RAPGEF3: variants seen among roughly 807,000 people sequenced by gnomAD.
RAPGEF3 encodes the protein 9330170P05Rik.
RAPGEF3 carries 103 observed loss-of-function variants against 129.8 expected under a neutral mutation model. The ratio of observed to expected loss-of-function variants is 0.79; its 90% CI spans 0.68 to 0.93. The LOEUF (loss-of-function observed/expected upper bound fraction) is 0.93, where lower values mean the gene tolerates loss of function less well. Among genes scored for constraint, RAPGEF3 ranks in the 40% least tolerant of loss-of-function variants. The pLI is 0.00. For missense variants in RAPGEF3, 1,117 were observed against 1,207.4 expected, an observed-to-expected ratio of 0.93 and a Z score of 1.11; for synonymous variants, 436 against 482.6, an observed-to-expected ratio of 0.90 and a Z score of 1.26.
intron 26 of RAPGEF3, 22 bp downstream of exon 26, chr12:47,738,170 AC>A: frequency 8.0e-7 from 1 of 1,254,200 alleles, no homozygotes; most frequent in East Asian, 2.6e-5. Flanking sequence ...GGGACCTCCC[AC>A]CCCGGGGACC....
intron 15 of RAPGEF3, 92 bp downstream of exon 15, chr12:47,747,452 G>A (rs888330252): frequency 2.2e-6 from 3 of 1,352,784 alleles, no homozygotes; most frequent in Non-Finnish European, 3.1e-6. Context: ...GCCTGGATCT[G>A]AAGCCAAGTG....
rs930208959 is a variant in RAPGEF3, at chr12:47,744,259, A to G, written c.1597-191T>C. 13 of 601,740 alleles carry G rather than the reference A, an allele frequency of 2.2e-5. No homozygotes were observed. The Admixed American group carries it at 2.7e-4, about 12-fold the overall frequency. The allele number at this position is 601,740 out of a possible 1,614,324, so 37.3% of individuals were successfully genotyped here. A position where few individuals can be genotyped will look rare whatever the true frequency, so the allele number is the denominator to read the frequency against. On this transcript the variant is annotated intron_variant, in intron 16 of 27. Transcript: ENST00000449771. ...TGGGACCAAGGATCCAGGAGAAGAC[A>G]CAACATGTCTAAGGGCGGGGCAAAT...
In RAPGEF3 at chr12:47,748,461, G is replaced by T. The variant is rs1390682535; in HGVS notation, c.1236C>A (p.Asp412Glu). ...EAMGPDSSAH[D>E]PTETFLSDFL... is the part of the protein sequence containing the mutation. ...GGTGTCTCTTGCCCTTACCTGTTGG[G>T]TCATGAGCACTGGAATCTGGTCCCA... is the stretch of plus-strand genomic sequence containing the variant. Residue 412 changes from aspartate to glutamate, a missense_variant, in exon 12 of 28, where the codon GAC (aspartate) becomes GAA (glutamate). By Grantham distance (45) the Asp-to-Glu change is conservative. Transcript: ENST00000449771. 1.2e-6 allele frequency: 2 copies of T among 1,613,268 alleles called. No homozygotes were observed. Among genetic ancestry groups the T allele is most frequent in the Admixed American group, 1.7e-5 (1 of 60,000 alleles).
At chr12:47,743,885 G>T in intron 17 of RAPGEF3, 102 bp downstream of exon 17, 1 of 1,402,806 alleles carries the variant, frequency 7.1e-7, no homozygotes, top group Non-Finnish European at 1.0e-6. Flanking sequence ...TGCCACCTTG[G>T]CCCAGGCACA....
At position 47,751,391 on chromosome 12, in the gene RAPGEF3, G is replaced by GGGCTCA; in HGVS notation, c.502+2_502+7dup. 1.2e-6 allele frequency: 2 copies of GGGCTCA among 1,613,704 alleles called. No homozygotes were observed. The highest frequency in any genetic ancestry group is 1.7e-6 in the Non-Finnish European group (2 of 1,179,932). On this transcript the variant is annotated splice_region_variant and intron_variant, in intron 5 of 27. Coordinates refer to ENST00000449771, the MANE Select transcript of RAPGEF3 (RefSeq NM_001098531.4). ...GCCCGGGGCACCCCACCCTGGGCTC[G>GGGCTCA]GGCTCACCATGGCAGAGGGCACCTT...
intron 11 of RAPGEF3, 22 bp downstream of exon 11, chr12:47,748,797 G>C (rs374507923): frequency 2.0e-6 from 3 of 1,497,966 alleles, no homozygotes; most frequent in Non-Finnish European, 2.8e-6. Flanking sequence ...AGTGTGGAGA[G>C]GGAGCATGGC....
intron 26 of RAPGEF3, 21 bp from the exon 27 acceptor site, chr12:47,738,114 C>T (rs1461641064): frequency 7.4e-6 from 12 of 1,613,902 alleles, no homozygotes; most frequent in Non-Finnish European, 1.0e-5. Context: ...GGGGAGGGGT[C>T]ATGGAGTCAG....
intron 2 of RAPGEF3, among the ~76,000 whole-genome samples, chr12:47,754,816 A>G (rs1181734807): frequency 6.6e-6 from 1 of 152,158 alleles, no homozygotes; most frequent in Non-Finnish European, 1.5e-5. Context: ...AGTCAAGGTG[A>G]AGGTCCTCCT....
chr12:47,758,829 C>CGTCT lies in RAPGEF3; in HGVS notation c.-277_-274dup, dbSNP rs1942261653. The CGTCT allele has an allele frequency of 8.2e-7, 1 of 1,213,214 alleles. No homozygotes were observed. The highest frequency in any genetic ancestry group is 1.6e-5 in the African/African-American group (1 of 64,044). The allele number at this position is 1,213,214 out of a possible 1,614,324, so 75.2% of individuals were successfully genotyped here. Reference sequence around the variant, plus strand: ...ACAGGGAGCCCCGAGCCTGCGCCTTCGTCTCAGACGAAGGAGCCAGCTGGC... The same window carrying CGTCT: ...ACAGGGAGCCCCGAGCCTGCGCCTTCGTCTGTCTCAGACGAAGGAGCCAGCTGGC... On this transcript the variant is annotated 5_prime_UTR_variant, in exon 1 of 28. Transcript: ENST00000449771.
chr12:47,745,077 G>C (rs573537412), intron 16 of RAPGEF3: 1 of 152,704 alleles, frequency 6.5e-6, no homozygotes, highest in African/African-American at 2.4e-5. Context: ...TCCGTAGCTT[G>C]TCATCTTGCT....
At chr12:47,738,594 C>G (rs1037670777) in intron 25 of RAPGEF3, 96 bp downstream of exon 25, 7 of 1,078,812 alleles carry the variant, frequency 6.5e-6, no homozygotes, top group Non-Finnish European at 8.6e-6. Flanking sequence ...TTATTCATAA[C>G]AAGTTTAAGC....
rs1941740602 is a variant in RAPGEF3, at chr12:47,751,466, C to T, written c.435G>A (p.Gly145=). ...LVDGILALGL[G]VHSRSQVVGI... is the part of the protein sequence containing the mutation. ...CCACAACTTGGCTCCGGGAATGGAC[C>T]CCAAGTCCCAGGGCCAAGATCCCAT... Residue 145 remains glycine (G), a synonymous_variant, in exon 5 of 28, where the codon GGG becomes GGA. Transcript: ENST00000449771. 6.2e-7 allele frequency: 1 copy of T among 1,614,194 alleles called. No individual in the cohort carries two copies. Among genetic ancestry groups the T allele is most frequent in the Non-Finnish European group, 8.5e-7 (1 of 1,180,022 alleles).
intron 16 of RAPGEF3, chr12:47,746,433 T>C (rs1360969292): frequency 5.6e-6 from 3 of 540,228 alleles, no homozygotes; most frequent in African/African-American, 2.0e-5. Flanking sequence ...TTGCTTCCCT[T>C]TAAGCCCCAG....
chr12:47,758,388 A>G, intron 1 of RAPGEF3, 163 bp downstream of exon 1: 1 of 1,518,166 alleles, frequency 6.6e-7, no homozygotes, highest in South Asian at 1.3e-5. Context: ...GTATGAAGCT[A>G]TAGATTCACT....
In RAPGEF3 at chr12:47,758,046, C is replaced by T; in HGVS notation, c.39G>A (p.Val13=). The T allele has an allele frequency of 6.4e-7, 1 of 1,559,828 alleles. No individual in the cohort carries two copies. The highest frequency in any genetic ancestry group is 1.8e-4 in the Middle Eastern group (1 of 5,572). The change falls in exon 2 of 28, where the codon GTG becomes GTA. Residue 13 remains valine, a synonymous_variant. Coordinates refer to ENST00000449771, the MANE Select transcript of RAPGEF3 (RefSeq NM_001098531.4). ...CTGGGCTATCCTCCACAGCCAGGCC[C>T]ACCTGCCAGCAGCTCTCACCTGGCC... ...VGWPGESCWQ[V]GLAVEDSPAL... is the part of the protein sequence containing the mutation.
Position 47,738,092 on chromosome 12 carries a change from C to T in RAPGEF3, c.2583G>A (p.Val861=). ...MLHHCRSHNP[V]PLSPLRSRVS... ...CTCGGCTTCTGAGTGGTGAGAGAGG[C>T]ACTGCGGGGGTGGGGAGGGGTCATG... The change falls in exon 27 of 28, where the codon GTG becomes GTA. Residue 861 remains valine (V), a splice_region_variant and synonymous_variant. Transcript: ENST00000449771. The T allele has an allele frequency of 6.2e-7, 1 of 1,612,900 alleles. No individual in the cohort carries two copies. Among genetic ancestry groups the T allele is most frequent in the African/African-American group, 1.3e-5 (1 of 74,988 alleles).
chr12:47,741,722 T>G, intron 18 of RAPGEF3, 120 bp from the exon 19 acceptor site: 76 of 817,550 alleles, frequency 9.3e-5, no homozygotes, highest in Non-Finnish European at 1.4e-4. Context: ...GTAGCGGGGT[T>G]GAAGTCCTGG....
chr12:47,758,263 CG>C (rs1425094130), intron 1 of RAPGEF3, 185 bp from the exon 2 acceptor site: 2 of 1,433,100 alleles, frequency 1.4e-6, no homozygotes. Flanking sequence ...GCCGGTCTGG[CG>C]CACTTAGGGG....
chr12:47,742,418 G>T (rs983755239), intron 18 of RAPGEF3: 1 of 152,308 alleles, frequency 6.6e-6, no homozygotes, highest in Admixed American at 6.5e-5. Context: ...AGAGGGCAGT[G>T]CTTCCCAGGG....
Sources: gnomAD v4.1 joint callset for allele counts (sites outside exome capture counted in the v4.1 genomes callset) on GRCh38, gnomAD v4.1.1 for gene constraint, MANE v1.5 for transcripts, NCBI Gene and HGNC (gene_info 2026-07-23, HGNC 2026-07-21) for gene names.